PRKCE: variants seen among roughly 807,000 people sequenced by gnomAD.
PRKCE encodes protein kinase C epsilon, also known as protein kinase C epsilon type.
In PRKCE, 16 loss-of-function variants were observed where a neutral mutation model predicts 85.4. The ratio of observed to expected loss-of-function variants is 0.19; its 90% CI spans 0.13 to 0.28. The LOEUF (loss-of-function observed/expected upper bound fraction) is 0.28, where lower values mean the gene tolerates loss of function less well. PRKCE is among the 10% of genes least tolerant of loss of function. The probability of loss-of-function intolerance (pLI) is 1.00; values close to 1 mark genes in which losing one functional copy is unlikely to be tolerated. For missense variants in PRKCE, 573 were observed against 975.2 expected, an observed-to-expected ratio of 0.59 and a Z score of 5.49; for synonymous variants, 388 against 371.5, an observed-to-expected ratio of 1.04 and a Z score of -0.51.
chr2:45,869,849 A>C (rs933834630), intron 2 of PRKCE, among the ~76,000 whole-genome samples: 1 of 151,642 alleles, frequency 6.6e-6, no homozygotes, highest in Non-Finnish European at 1.5e-5. Flanking sequence ...CTGGGACTAC[A>C]GGTGCACGCC....
Position 46,184,918 on chromosome 2 carries a change from A to G in PRKCE, c.*37A>G. 1 of 1,598,678 alleles carries G rather than the reference A, an allele frequency of 6.3e-7. No individual in the cohort carries two copies. The highest frequency in any genetic ancestry group is 8.5e-7 in the Non-Finnish European group (1 of 1,179,296). On this transcript the variant is annotated 3_prime_UTR_variant, in exon 15 of 15. Coordinates refer to ENST00000306156, the MANE Select transcript of PRKCE (RefSeq NM_005400.3). The surrounding 1 kb of genome is among the most constrained non-coding windows in gnomAD (Gnocchi z 5.0). ...AGTTGGACTTTGCCGATGCTGCAAG[A>G]AGGGGTGCAGAGAAGACTCCTGTGT... is the stretch of plus-strand genomic sequence containing the variant.
chr2:45,801,236 T>G (rs1183764517), intron 1 of PRKCE, among the ~76,000 whole-genome samples: 2 of 151,940 alleles, frequency 1.3e-5, no homozygotes, highest in African/African-American at 4.8e-5. Flanking sequence ...CATAGAAGAG[T>G]GTTAAGCTGA....
At position 45,994,604 on chromosome 2, in the gene PRKCE, T is replaced by G. The variant is rs541131104; in HGVS notation, c.824-6800T>G. On this transcript the variant is annotated intron_variant, in intron 6 of 14. Coordinates refer to ENST00000306156, the MANE Select transcript of PRKCE (RefSeq NM_005400.3). ...TATGCATTTAATGTTCTGCTATGTC[T>G]TTTCACAGTTGCTAACTCACTTCTT... Among the ~76,000 whole-genome samples, 7 of 152,350 alleles carry G rather than the reference T, an allele frequency of 4.6e-5. No individual in the cohort carries two copies. The East Asian group carries it at 1.4e-3, about 29-fold the overall frequency.
intron 1 of PRKCE, among the ~76,000 whole-genome samples, chr2:45,831,850 CA>C (rs1196080268): frequency 6.6e-6 from 1 of 152,108 alleles, no homozygotes; most frequent in Admixed American, 6.5e-5. Context: ...GAACACATCA[CA>C]GTACTTACTT....
At chr2:46,090,410 C>T (rs1670052192) in intron 11 of PRKCE, among the ~76,000 whole-genome samples, 1 of 152,032 alleles carries the variant, frequency 6.6e-6, no homozygotes, top group Non-Finnish European at 1.5e-5. Context: ...TTGCTTGTTC[C>T]CTCTGCCACC....
chr2:46,046,048 C>T (rs1451611066), intron 10 of PRKCE, among the ~76,000 whole-genome samples: 1 of 152,212 alleles, frequency 6.6e-6, no homozygotes, highest in African/African-American at 2.4e-5. Flanking sequence ...TCACAGACAT[C>T]CTCAGCTGTC....
At chr2:45,837,087 C>T (rs1690944044) in intron 1 of PRKCE, among the ~76,000 whole-genome samples, 1 of 152,180 alleles carries the variant, frequency 6.6e-6, no homozygotes, top group Non-Finnish European at 1.5e-5. Flanking sequence ...TGTAGGTGTA[C>T]AGATAACCTG....
chr2:45,981,186 A>G (rs1702863808), intron 5 of PRKCE, among the ~76,000 whole-genome samples: 1 of 152,238 alleles, frequency 6.6e-6, no homozygotes, highest in South Asian at 2.1e-4. Context: ...AGTCCCACTG[A>G]TAGATTAAAA....
intron 6 of PRKCE, among the ~76,000 whole-genome samples, chr2:45,990,528 G>A (rs549405128): frequency 2.0e-5 from 3 of 152,094 alleles, no homozygotes; most frequent in Admixed American, 2.0e-4. Context: ...CCTCACAAAT[G>A]CAATCGTCTT....
At chr2:45,702,501 T>A (rs1203714516) in intron 1 of PRKCE, among the ~76,000 whole-genome samples, 2 of 152,218 alleles carry the variant, frequency 1.3e-5, no homozygotes, top group Non-Finnish European at 2.9e-5. Flanking sequence ...ATGGTCAGTT[T>A]TACTTGCATG....
Position 45,774,194 on chromosome 2 carries a change from C to T in PRKCE, c.349-68806C>T, listed in dbSNP as rs370068753. Among the ~76,000 whole-genome samples, 59 of 152,104 alleles carry T rather than the reference C, an allele frequency of 3.9e-4. No homozygotes were observed. Among genetic ancestry groups the T allele is most frequent in the African/African-American group, 1.4e-3 (56 of 41,444 alleles). On this transcript the variant is annotated intron_variant, in intron 1 of 14. Transcript: ENST00000306156. This position sits in a 1 kb window ranked among gnomAD's most constrained non-coding sequence, Gnocchi z 4.3. ...CTGGGCTTGGCTGGGACATGTTGGGCTGACCACCCCTGTGGTCAGGGCCTG... is the reference window on the plus strand; with the variant it reads ...CTGGGCTTGGCTGGGACATGTTGGGTTGACCACCCCTGTGGTCAGGGCCTG...
At chr2:45,883,287 C>T (rs140644305) in intron 2 of PRKCE, among the ~76,000 whole-genome samples, 34 of 152,324 alleles carry the variant, frequency 2.2e-4, no homozygotes, top group African/African-American at 7.5e-4. Flanking sequence ...TGTCAGAAAA[C>T]GGTAGTGTTG....
intron 1 of PRKCE, among the ~76,000 whole-genome samples, chr2:45,756,322 G>T (rs1412205434): frequency 1.3e-5 from 2 of 152,210 alleles, no homozygotes; most frequent in Admixed American, 1.3e-4. Context: ...CCAGGCTCTA[G>T]GGGTTCTGCT....
intron 2 of PRKCE, among the ~76,000 whole-genome samples, chr2:45,939,438 G>A (rs1356803705): frequency 6.6e-6 from 1 of 152,170 alleles, no homozygotes; most frequent in South Asian, 2.1e-4. Flanking sequence ...TTCTCCTGTA[G>A]AGTAGCATCT....
chr2:45,799,623 T>A (rs1326541022), intron 1 of PRKCE, among the ~76,000 whole-genome samples: 2 of 152,236 alleles, frequency 1.3e-5, no homozygotes, highest in Non-Finnish European at 2.9e-5. Context: ...AAAAAAAGAT[T>A]GTCTTCCAAA....
intron 10 of PRKCE, among the ~76,000 whole-genome samples, chr2:46,027,970 C>A (rs1354616852): frequency 6.6e-6 from 1 of 150,768 alleles, no homozygotes; most frequent in East Asian, 1.9e-4. Context: ...GAGATGGAGT[C>A]GGGCTCTGTG....
rs918674392 is a variant in PRKCE, at chr2:45,830,476, T to C, written c.349-12524T>C. Among the ~76,000 whole-genome samples, 20 of 152,202 alleles carry C rather than the reference T, an allele frequency of 1.3e-4. 1 individual carries two copies. The East Asian group carries it at 3.7e-3, about 28-fold the overall frequency. On this transcript the variant is annotated intron_variant, in intron 1 of 14. Transcript: ENST00000306156. ...CTATGGAATAAAAAGATAAAAGAAA[T>C]GGATATATATATGTATCACATAGTA... is the stretch of plus-strand genomic sequence containing the variant.
At chr2:45,993,344 G>GC (rs1483930431) in intron 6 of PRKCE, among the ~76,000 whole-genome samples, 1 of 152,184 alleles carries the variant, frequency 6.6e-6, no homozygotes, top group African/African-American at 2.4e-5. Context: ...TCACCACTTT[G>GC]CCCTGGCATT....
At chr2:45,819,367 A>G (rs940789323) in intron 1 of PRKCE, among the ~76,000 whole-genome samples, 3 of 152,130 alleles carry the variant, frequency 2.0e-5, no homozygotes, top group African/African-American at 7.2e-5. Flanking sequence ...TTGAGAACCC[A>G]TCTGGCTCAG....
Sources: gnomAD v4.1 joint callset for allele counts (sites outside exome capture counted in the v4.1 genomes callset) on GRCh38, gnomAD v4.1.1 for gene constraint, Gnocchi (gnomAD v3.1) non-coding constraint, MANE v1.5 for transcripts, NCBI Gene and HGNC (gene_info 2026-07-23, HGNC 2026-07-21) for gene names.